Variants in CCNYL1 observed in about 807,000 individuals in gnomAD.
CCNYL1 encodes the protein cyclin Y like 1, also known as cyclin-Y-like protein 1.
In CCNYL1, 16 loss-of-function variants were observed where a neutral mutation model predicts 44.2. The observed-to-expected ratio is 0.36, with a 90% confidence interval of 0.25 to 0.55. CCNYL1 has a LOEUF of 0.55. CCNYL1 is among the 20% of genes least tolerant of loss of function. The pLI is 0.85. For missense variants in CCNYL1, 348 were observed against 451.8 expected, an observed-to-expected ratio of 0.77 and a Z score of 2.08; for synonymous variants, 159 against 163.2, an observed-to-expected ratio of 0.97 and a Z score of 0.20.
intron 6 of CCNYL1, among the ~76,000 whole-genome samples, chr2:207,741,733 C>A (rs2091811835): frequency 6.6e-6 from 1 of 151,814 alleles, no homozygotes; most frequent in Non-Finnish European, 1.5e-5. Context: ...GTAATCCCAG[C>A]TACTCAGGAG....
intron 7 of CCNYL1, among the ~76,000 whole-genome samples, chr2:207,745,189 T>C (rs943313457): frequency 6.6e-6 from 1 of 151,764 alleles, no homozygotes; most frequent in African/African-American, 2.4e-5. Flanking sequence ...CGGGGAGTTG[T>C]GGGGAGGGGG....
chr2:207,749,700 A>G (rs748810996), intron 8 of CCNYL1, among the ~76,000 whole-genome samples: 2 of 152,230 alleles, frequency 1.3e-5, no homozygotes, highest in African/African-American at 4.8e-5. Context: ...CTGATTATCA[A>G]AACATTATCT....
At chr2:207,749,282 C>T (rs2091875888) in intron 8 of CCNYL1, among the ~76,000 whole-genome samples, 1 of 152,154 alleles carries the variant, frequency 6.6e-6, no homozygotes, top group Non-Finnish European at 1.5e-5. Context: ...TTGTCTCATC[C>T]CCCTGCTGTT....
Position 207,753,027 on chromosome 2 carries a change from CA to C in CCNYL1, c.970-549del, listed in dbSNP as rs537104378. Among the ~76,000 whole-genome samples, 774 of 125,350 alleles carry C rather than the reference CA, an allele frequency of 6.2e-3. 4 individuals are homozygous for C. The highest frequency in any genetic ancestry group is 0.018 in the African/African-American group (597 of 33,610). The allele number at this position is 125,350 out of a possible 152,430, so 82.2% of individuals were successfully genotyped here. A position where few individuals can be genotyped will look rare whatever the true frequency, so the allele number is the denominator to read the frequency against. The stretch of plus-strand genomic sequence containing the variant: ...CTGGGCAACGAGCGAAACTCTGCCT[CA>C]AAAAAAAAAAAGAAAAAAATAATAA... On this transcript the variant is annotated intron_variant, in intron 9 of 9. Transcript: ENST00000295414.
chr2:207,737,011 G>T (rs971575741), intron 4 of CCNYL1, among the ~76,000 whole-genome samples: 1 of 152,008 alleles, frequency 6.6e-6, no homozygotes, highest in Non-Finnish European at 1.5e-5. Context: ...TGCCTCCCGG[G>T]TTCACGCCAT....
At chr2:207,728,312 G>A (rs2091696545) in intron 3 of CCNYL1, among the ~76,000 whole-genome samples, 1 of 142,446 alleles carries the variant, frequency 7.0e-6, no homozygotes, top group South Asian at 2.2e-4. Context: ...GTCTCACTCT[G>A]TTGCCCAAGC....
intron 8 of CCNYL1, among the ~76,000 whole-genome samples, chr2:207,749,441 T>G (rs1402610829): frequency 6.6e-6 from 1 of 152,208 alleles, no homozygotes; most frequent in Non-Finnish European, 1.5e-5. Flanking sequence ...GCAGCTGCTA[T>G]TCAGACGGTT....
chr2:207,711,804 C>A lies in CCNYL1; in HGVS notation c.-93C>A. The A allele has an allele frequency of 1.1e-6, 1 of 882,296 alleles. No homozygotes were observed. The highest frequency in any genetic ancestry group is 1.6e-6 in the Non-Finnish European group (1 of 642,390). The allele number at this position is 882,296 out of a possible 1,614,324, so 54.7% of individuals were successfully genotyped here. On this transcript the variant is annotated 5_prime_UTR_variant, in exon 1 of 10. Transcript: ENST00000295414. ...CAGCGTAGCCCGGGGCTGCCGGTGC[C>A]GGCCGCGCCATTGTTGGGGGAGGGG...
In CCNYL1 at chr2:207,755,522, G is replaced by C. The variant is rs2105845982; in HGVS notation, c.*1824G>C. The C allele has an allele frequency of 6.6e-6, 1 of 152,294 alleles. No homozygotes were observed. The highest frequency in any genetic ancestry group is 2.1e-4 in the South Asian group (1 of 4,822). The allele number at this position is 152,294 out of a possible 1,614,324, so 9.4% of individuals were successfully genotyped here. On this transcript the variant is annotated 3_prime_UTR_variant, in exon 10 of 10. Transcript: ENST00000295414. ...ATAAAATGCCCTCTTTTTAAAAGTA[G>C]TTACCCGCAGAGCTGTGCTCTATAT...
In CCNYL1 at chr2:207,751,083, T is replaced by G; in HGVS notation, c.933T>G (p.Phe311Leu). Residue 311 changes from phenylalanine to leucine, a missense_variant, in exon 9 of 10, where the codon TTT (phenylalanine) becomes TTG (leucine). Coordinates refer to ENST00000295414, the MANE Select transcript of CCNYL1 (RefSeq NM_001330218.2). ...ATGACAACAACCTGAATTTTCTATT[T>G]GCTCCTCTTAGCAAAGAAAGAGCAC... ...LADDNNLNFLFAPLSKERAQN... is the reference protein window; with the variant it reads ...LADDNNLNFLLAPLSKERAQN... 6.2e-7 allele frequency: 1 copy of G among 1,614,166 alleles called. No individual in the cohort carries two copies. The highest frequency in any genetic ancestry group is 1.6e-4 in the Middle Eastern group (1 of 6,062).
rs1298415179 is a variant in CCNYL1 at position 207,755,442 on chromosome 2, C to T, written c.*1744C>T. The T allele has an allele frequency of 6.6e-6, 1 of 152,146 alleles. No homozygotes were observed. The highest frequency in any genetic ancestry group is 1.5e-5 in the Non-Finnish European group (1 of 68,014). 9.4% of individuals were successfully genotyped at this position (152,146 alleles called of 1,614,324 possible). A position where few individuals can be genotyped will look rare whatever the true frequency, so the allele number is the denominator to read the frequency against. On this transcript the variant is annotated 3_prime_UTR_variant, in exon 10 of 10. Transcript: ENST00000295414. Reference sequence around the variant, plus strand: ...GTAAAGGTTTGTAGCATTTATATTTCTACAAGTATCAAAGCTTAAAATTAC... The same window carrying T: ...GTAAAGGTTTGTAGCATTTATATTTTTACAAGTATCAAAGCTTAAAATTAC...
At position 207,711,925 on chromosome 2, in the gene CCNYL1, C is replaced by T; in HGVS notation, c.29C>T (p.Ser10Phe). The change falls in exon 1 of 10, where the codon TCC becomes TTC. Residue 10 changes from serine (S) to phenylalanine (F), a missense_variant. This residue lies in a region of CCNYL1 where 209 missense variants were observed against 247.7 expected (regional missense o/e 0.84). Coordinates refer to ENST00000295414, the MANE Select transcript of CCNYL1 (RefSeq NM_001330218.2). ...GGGAACACGCTGACCTGTTGCGTGT[C>T]CCCCAATGCCAGCCCCAAGCTGGGC... MGNTLTCCV[S>F]PNASPKLGRR... 1 of 1,396,332 alleles carries T rather than the reference C, an allele frequency of 7.2e-7. No individual in the cohort carries two copies. Among genetic ancestry groups the T allele is most frequent in the Non-Finnish European group, 9.3e-7 (1 of 1,072,552 alleles). The allele number at this position is 1,396,332 out of a possible 1,614,324, so 86.5% of individuals were successfully genotyped here. A position where few individuals can be genotyped will look rare whatever the true frequency, so the allele number is the denominator to read the frequency against.
intron 5 of CCNYL1, among the ~76,000 whole-genome samples, chr2:207,738,516 C>T (rs944051325): frequency 5.3e-5 from 8 of 152,068 alleles, no homozygotes; most frequent in African/African-American, 7.2e-5. Flanking sequence ...CCACCATACC[C>T]GGCCAGTATT....
chr2:207,742,159 A>G, intron 6 of CCNYL1, 64 bp from the exon 7 acceptor site: 1 of 1,522,896 alleles, frequency 6.6e-7, no homozygotes, highest in Non-Finnish European at 8.8e-7. Context: ...CTCAAAAAAA[A>G]AAAAAAAAAG....
At position 207,754,697 on chromosome 2, in the gene CCNYL1, A is replaced by G. The variant is rs373543462; in HGVS notation, c.*999A>G. On this transcript the variant is annotated 3_prime_UTR_variant, in exon 10 of 10. Coordinates refer to ENST00000295414, the MANE Select transcript of CCNYL1 (RefSeq NM_001330218.2). ...AGTGCAGTGGCTTTTCACAGGTGCA[A>G]TCATTGTGCACTCACTGCAGCCTAG... 2.9e-4 allele frequency: 44 copies of G among 153,622 alleles called. 1 individual carries two copies. Among genetic ancestry groups the G allele is most frequent in the African/African-American group, 9.6e-4 (40 of 41,468 alleles). 9.5% of individuals were successfully genotyped at this position (153,622 alleles called of 1,614,324 possible). A position where few individuals can be genotyped will look rare whatever the true frequency, so the allele number is the denominator to read the frequency against.
intron 7 of CCNYL1, among the ~76,000 whole-genome samples, chr2:207,744,969 A>G (rs2091843826): frequency 6.6e-6 from 1 of 152,140 alleles, no homozygotes; most frequent in Non-Finnish European, 1.5e-5. Flanking sequence ...GTGAATGGAA[A>G]TGCCCTGTAC....
At position 207,753,762 on chromosome 2, in the gene CCNYL1, C is replaced by T; in HGVS notation, c.*64C>T. 1.9e-6 allele frequency: 2 copies of T among 1,025,922 alleles called. No homozygotes were observed. The highest frequency in any genetic ancestry group is 3.0e-6 in the Non-Finnish European group (2 of 676,860). 63.6% of individuals were successfully genotyped at this position (1,025,922 alleles called of 1,614,324 possible). On this transcript the variant is annotated 3_prime_UTR_variant, in exon 10 of 10. Coordinates refer to ENST00000295414, the MANE Select transcript of CCNYL1 (RefSeq NM_001330218.2). Reference sequence around the variant, plus strand: ...TCTACAAAGACTGGAGAAATACCACCTTTCCTGCTCAAAAACCAGCAAAAT... The same window carrying T: ...TCTACAAAGACTGGAGAAATACCACTTTTCCTGCTCAAAAACCAGCAAAAT...
chr2:207,744,525 G>A (rs1158665603), intron 7 of CCNYL1, among the ~76,000 whole-genome samples: 8 of 145,632 alleles, frequency 5.5e-5, no homozygotes, highest in Non-Finnish European at 3.0e-5. Context: ...CCGTCACCAC[G>A]CCTAATTTTT....
intron 1 of CCNYL1, chr2:207,714,218 C>A (rs1458934404): frequency 1.3e-5 from 5 of 373,628 alleles, no homozygotes; most frequent in Non-Finnish European, 2.5e-5. Flanking sequence ...TGTATTTTAC[C>A]CATAAAATAG....
Sources: gnomAD v4.1 joint callset for allele counts (sites outside exome capture counted in the v4.1 genomes callset) on GRCh38, gnomAD v4.1.1 for gene constraint, gnomAD v4.1.1 regional missense constraint, MANE v1.5 for transcripts, NCBI Gene and HGNC (gene_info 2026-07-23, HGNC 2026-07-21) for gene names.